The following TRPM3 variants were observed in gnomAD, a reference collection of about 807,000 sequenced individuals.
TRPM3 encodes the protein long transient receptor potential channel 3.
Under a neutral mutation model 181.2 loss-of-function variants are expected in TRPM3, and 77 were observed. The observed-to-expected ratio is 0.42, with a 90% CI of 0.35 to 0.51. The LOEUF is 0.51. Among genes scored for constraint, TRPM3 ranks in the 20% least tolerant of loss-of-function variants. The pLI is 0.01. For synonymous variants in TRPM3, 745 were observed against 796.4 expected (o/e 0.94, Z 1.09); for missense variants, 1,759 against 2,196.7 (o/e 0.80, Z 3.98).
At chr9:71,069,733 C>G (rs1156771974) in intron 1 of TRPM3, among the ~76,000 whole-genome samples, 2 of 151,870 alleles carry the variant, frequency 1.3e-5, no homozygotes, top group Middle Eastern at 3.2e-3. Flanking sequence ...CTCAGCCTCC[C>G]AAGTAGCTAG....
At chr9:71,275,517 CGTGT>C (rs1313640711) in intron 1 of TRPM3, among the ~76,000 whole-genome samples, 3 of 151,534 alleles carry the variant, frequency 2.0e-5, no homozygotes, top group Non-Finnish European at 4.4e-5. Flanking sequence ...TGTATGTGTG[CGTGT>C]GTGTGTATGT....
chr9:70,769,853 T>C (rs2079887298), intron 7 of TRPM3, among the ~76,000 whole-genome samples: 1 of 152,190 alleles, frequency 6.6e-6, no homozygotes, highest in Non-Finnish European at 1.5e-5. Flanking sequence ...GGTTCAATGT[T>C]AGCTATAGAA....
chr9:71,104,417 CAT>C (rs2069056392), intron 1 of TRPM3, among the ~76,000 whole-genome samples: 1 of 152,186 alleles, frequency 6.6e-6, no homozygotes, highest in African/African-American at 2.4e-5. Flanking sequence ...ACAGCAAAAA[CAT>C]ATCGAATGCT....
At chr9:70,781,091 CAG>C (rs1564252983) in intron 7 of TRPM3, among the ~76,000 whole-genome samples, 4 of 150,988 alleles carry the variant, frequency 2.6e-5, no homozygotes, top group East Asian at 3.9e-4. Flanking sequence ...TTTGGGAGGC[CAG>C]GGTGGGAGGA....
intron 1 of TRPM3, among the ~76,000 whole-genome samples, chr9:70,896,994 A>G (rs1223959690): frequency 7.9e-6 from 1 of 127,228 alleles, no homozygotes; most frequent in East Asian, 2.1e-4. Flanking sequence ...TTTATGGGGC[A>G]CATGTGATAT....
At chr9:71,270,304 G>A (rs188612478) in intron 1 of TRPM3, among the ~76,000 whole-genome samples, 74 of 152,118 alleles carry the variant, frequency 4.9e-4, no homozygotes, top group African/African-American at 1.6e-3. Flanking sequence ...GAGCCAAGAC[G>A]GTGCCACTGC....
intron 1 of TRPM3, among the ~76,000 whole-genome samples, chr9:70,889,445 C>A (rs999427962): frequency 6.6e-6 from 1 of 152,150 alleles, no homozygotes; most frequent in African/African-American, 2.4e-5. Flanking sequence ...TTACCTCTGT[C>A]GGCCACTAGA....
chr9:71,121,302 C>G lies in TRPM3; in HGVS notation c.53G>C (p.Ser18Thr). Reference protein sequence around the residue: ...VYFLGIAQVFSFLFSWWNLEG... With the variant: ...VYFLGIAQVFTFLFSWWNLEG... ...CAAATTCCACCAGGAAAACAAGAAA[C>G]TGAAAACCTGAGCAATGCCTAGAAA... Residue 18 changes from serine (S) to threonine (T), a missense_variant, in exon 1 of 26, where the codon AGT (serine) becomes ACT (threonine). Transcript: ENST00000677713. The G allele has an allele frequency of 6.2e-7, 1 of 1,614,018 alleles. No individual in the cohort carries two copies. Among genetic ancestry groups the G allele is most frequent in the Non-Finnish European group, 8.5e-7 (1 of 1,179,982 alleles).
chr9:70,613,561 G>A (rs906589741), intron 18 of TRPM3, among the ~76,000 whole-genome samples: 2 of 152,198 alleles, frequency 1.3e-5, no homozygotes, highest in Admixed American at 1.3e-4. Context: ...ACCAGTGCCT[G>A]AGCAGTGACA....
At chr9:71,248,501 C>T (rs549128200) in intron 1 of TRPM3, among the ~76,000 whole-genome samples, 19 of 152,190 alleles carry the variant, frequency 1.2e-4, no homozygotes, top group Non-Finnish European at 1.5e-4. Context: ...TTAGACTCTA[C>T]GTTAACCAAC....
chr9:71,296,990 T>G (rs904785174), intron 1 of TRPM3, among the ~76,000 whole-genome samples: 1 of 51,958 alleles, frequency 1.9e-5, no homozygotes, highest in Non-Finnish European at 6.7e-5. Context: ...AATCTTTTCT[T>G]TTTTTTTTTT....
chr9:70,882,184 C>T (rs2096005629), intron 1 of TRPM3, among the ~76,000 whole-genome samples: 1 of 152,140 alleles, frequency 6.6e-6, no homozygotes, highest in African/African-American at 2.4e-5. Context: ...GTCTACCAAA[C>T]ACATTAACTT....
chr9:71,017,705 T>A (rs930454226), intron 1 of TRPM3, among the ~76,000 whole-genome samples: 4 of 151,696 alleles, frequency 2.6e-5, no homozygotes, highest in African/African-American at 4.8e-5. Context: ...AAGCAAAAAT[T>A]GATAGACCCA....
intron 22 of TRPM3, among the ~76,000 whole-genome samples, chr9:70,571,363 A>G (rs1333223648): frequency 1.3e-5 from 2 of 152,114 alleles, no homozygotes; most frequent in Non-Finnish European, 2.9e-5. Flanking sequence ...TGTTGCTGAT[A>G]TGTGTAAAGG....
chr9:70,949,479 C>T (rs59548237), intron 1 of TRPM3, among the ~76,000 whole-genome samples: 64 of 152,084 alleles, frequency 4.2e-4, no homozygotes, highest in African/African-American at 1.4e-3. Context: ...GAAGTGAAAC[C>T]GAAGAGACTG....
chr9:71,191,557 T>C (rs767967407), intron 1 of TRPM3, among the ~76,000 whole-genome samples: 1 of 151,770 alleles, frequency 6.6e-6, no homozygotes, highest in Non-Finnish European at 1.5e-5. Flanking sequence ...TCTTAAACTT[T>C]GAGTTCTTTA....
chr9:71,095,226 T>C (rs2066932501), intron 1 of TRPM3, among the ~76,000 whole-genome samples: 2 of 152,192 alleles, frequency 1.3e-5, no homozygotes, highest in African/African-American at 2.4e-5. Flanking sequence ...AAAACTCTCC[T>C]GTTTTTACTA....
At chr9:71,422,125 G>C (rs2093787079) in intron 1 of TRPM3, among the ~76,000 whole-genome samples, 1 of 151,834 alleles carries the variant, frequency 6.6e-6, no homozygotes, top group Non-Finnish European at 1.5e-5. Context: ...TTGTTAACTT[G>C]TTACAGGGGT....
Position 70,625,085 on chromosome 9 carries a change from C to T in TRPM3, c.1809+106G>A, listed in dbSNP as rs1211569691. 31 of 1,272,990 alleles carry T rather than the reference C, an allele frequency of 2.4e-5. No homozygotes were observed. Among genetic ancestry groups the T allele is most frequent in the Non-Finnish European group, 3.2e-5 (30 of 933,630 alleles). 78.9% of individuals were successfully genotyped at this position (1,272,990 alleles called of 1,614,324 possible). A position where few individuals can be genotyped will look rare whatever the true frequency, so the allele number is the denominator to read the frequency against. ...TTTGATTGTTTAGGTTCACTCTCAG[C>T]GCAATTTTCTGATTTTAATTCCCCT... On this transcript the variant is annotated intron_variant, in intron 14 of 25. Coordinates refer to ENST00000677713, the MANE Select transcript of TRPM3 (RefSeq NM_001366145.2). This position sits in a 1 kb window ranked among gnomAD's most constrained non-coding sequence, Gnocchi z 4.8.
Sources: allele counts gnomAD v4.1 joint callset (sites outside exome capture counted in the v4.1 genomes callset), GRCh38; gene constraint gnomAD v4.1.1; non-coding constraint Gnocchi (gnomAD v3.1); transcripts MANE v1.5; gene names NCBI Gene and HGNC (gene_info 2026-07-23, HGNC 2026-07-21).